The following GABRG3 variants were observed in gnomAD, a reference collection of about 807,000 sequenced individuals.
GABRG3 encodes gamma-aminobutyric acid type A receptor subunit gamma3.
In GABRG3, 25 loss-of-function variants were observed where a neutral mutation model predicts 48.8. The observed-to-expected ratio is 0.51, with a 90% confidence interval of 0.37 to 0.72. The LOEUF (loss-of-function observed/expected upper bound fraction) is 0.72, where lower values mean the gene tolerates loss of function less well. Among genes scored for constraint, GABRG3 ranks in the 30% least tolerant of loss-of-function variants. The pLI is 0.00. For missense variants in GABRG3, 394 were observed against 577.9 expected (o/e 0.68, Z 3.26); for synonymous variants, 227 against 217.6 (o/e 1.04, Z -0.38).
chr15:27,287,592 G>T (rs1891656803), intron 3 of GABRG3, among the ~76,000 whole-genome samples: 1 of 152,062 alleles, frequency 6.6e-6, no homozygotes, highest in Non-Finnish European at 1.5e-5. Context: ...CATTGTGAAT[G>T]AGTCTTAATG....
intron 3 of GABRG3, among the ~76,000 whole-genome samples, chr15:27,153,833 C>A (rs540072989): frequency 6.4e-4 from 97 of 152,062 alleles, no homozygotes; most frequent in Non-Finnish European, 1.2e-3. Context: ...ATTTTAAATT[C>A]TCTGATAATT....
chr15:27,497,791 G>T (rs1398615150), intron 6 of GABRG3, among the ~76,000 whole-genome samples: 1 of 151,988 alleles, frequency 6.6e-6, no homozygotes, highest in Non-Finnish European at 1.5e-5. Flanking sequence ...TCATATTTTT[G>T]TCTTACTTCT....
chr15:27,192,792 C>G (rs1402493797), intron 3 of GABRG3, among the ~76,000 whole-genome samples: 1 of 152,186 alleles, frequency 6.6e-6, no homozygotes, highest in African/African-American at 2.4e-5. Context: ...GAGAGGTGCT[C>G]TGCTTTTTAG....
chr15:26,974,680 C>T lies in GABRG3; in HGVS notation c.54-2322C>T, dbSNP rs765866956. ...AGCTACCGGCCTCTCCTCACTGCCCCAGATGCCCTTGCTGTGGAGTGATTT... is the reference window on the plus strand; with the variant it reads ...AGCTACCGGCCTCTCCTCACTGCCCTAGATGCCCTTGCTGTGGAGTGATTT... On this transcript the variant is annotated intron_variant, in intron 1 of 9. Coordinates refer to ENST00000615808, the MANE Select transcript of GABRG3 (RefSeq NM_033223.5). The surrounding 1 kb of genome is among the most constrained non-coding windows in gnomAD (Gnocchi z 4.3). 2.0e-5 allele frequency among the ~76,000 whole-genome samples: 3 copies of T among 152,028 alleles called. No homozygotes were observed. The highest frequency in any genetic ancestry group is 4.4e-5 in the Non-Finnish European group (3 of 68,002).
chr15:27,384,688 T>A (rs964074728), intron 5 of GABRG3, among the ~76,000 whole-genome samples: 3 of 152,122 alleles, frequency 2.0e-5, no homozygotes, highest in African/African-American at 7.2e-5. Flanking sequence ...TAATGTTAAA[T>A]AGGAAAAAGT....
chr15:27,248,999 A>G (rs997689449), intron 3 of GABRG3, among the ~76,000 whole-genome samples: 13 of 152,120 alleles, frequency 8.5e-5, no homozygotes, highest in Non-Finnish European at 1.8e-4. Context: ...ATGTCAAGCA[A>G]GGGAGACCCA....
intron 7 of GABRG3, among the ~76,000 whole-genome samples, chr15:27,526,805 G>A (rs953570897): frequency 6.6e-5 from 10 of 152,150 alleles, no homozygotes; most frequent in Admixed American, 6.5e-4. Context: ...AAATGTGCTA[G>A]CGTCTGTGCT....
At chr15:27,193,734 C>A (rs572300563) in intron 3 of GABRG3, among the ~76,000 whole-genome samples, 2 of 152,194 alleles carry the variant, frequency 1.3e-5, no homozygotes, top group Admixed American at 1.3e-4. Flanking sequence ...CACTGACCTG[C>A]GCCCACTGTC....
chr15:27,333,679 T>C (rs1893874757), intron 5 of GABRG3, among the ~76,000 whole-genome samples: 1 of 152,174 alleles, frequency 6.6e-6, no homozygotes, highest in Non-Finnish European at 1.5e-5. Flanking sequence ...TGCTGGTTAC[T>C]AGTTTGCCTG....
At chr15:27,341,094 C>T (rs1014460353) in intron 5 of GABRG3, 17 of 361,520 alleles carry the variant, frequency 4.7e-5, no homozygotes, top group South Asian at 3.6e-4. Context: ...GCAACTCTTC[C>T]GAGTATTTAT....
At chr15:27,067,971 A>C (rs1720800668) in intron 3 of GABRG3, among the ~76,000 whole-genome samples, 1 of 152,214 alleles carries the variant, frequency 6.6e-6, no homozygotes. Context: ...GGAGTAGAGA[A>C]GGCTTAGCTA....
chr15:27,283,456 T>C (rs1891504503), intron 3 of GABRG3, among the ~76,000 whole-genome samples: 1 of 152,116 alleles, frequency 6.6e-6, no homozygotes, highest in Admixed American at 6.5e-5. Flanking sequence ...ATACAAAAAT[T>C]AGCCAGGCTT....
At chr15:27,124,514 G>A (rs1386640678) in intron 3 of GABRG3, among the ~76,000 whole-genome samples, 2 of 152,216 alleles carry the variant, frequency 1.3e-5, no homozygotes, top group African/African-American at 4.8e-5. Context: ...TGTGATCCGG[G>A]GAAATGGAGG....
chr15:26,994,357 G>A (rs1288173475), intron 2 of GABRG3, among the ~76,000 whole-genome samples: 5 of 150,806 alleles, frequency 3.3e-5, no homozygotes, highest in East Asian at 2.0e-4. Flanking sequence ...TTGTGTATAC[G>A]TTTTATGTTT....
intron 5 of GABRG3, among the ~76,000 whole-genome samples, chr15:27,416,823 T>G (rs1887954202): frequency 6.6e-6 from 1 of 152,224 alleles, no homozygotes; most frequent in Admixed American, 6.5e-5. Context: ...CTCACTTCTC[T>G]TAGGAATCCA....
At chr15:27,523,580 TAATC>T (rs1319857425) in intron 7 of GABRG3, among the ~76,000 whole-genome samples, 3 of 151,864 alleles carry the variant, frequency 2.0e-5, no homozygotes, top group Admixed American at 6.5e-5. Flanking sequence ...GATTTTAAAA[TAATC>T]AGTCATAAAT....
At chr15:27,300,108 C>G (rs1892144010) in intron 3 of GABRG3, among the ~76,000 whole-genome samples, 1 of 152,144 alleles carries the variant, frequency 6.6e-6, no homozygotes, top group Admixed American at 6.5e-5. Flanking sequence ...CTATTGGAAC[C>G]ACAGAACACC....
At chr15:27,370,048 T>G (rs754856621) in intron 5 of GABRG3, among the ~76,000 whole-genome samples, 1 of 152,112 alleles carries the variant, frequency 6.6e-6, no homozygotes, top group African/African-American at 2.4e-5. Flanking sequence ...CAATTAAATT[T>G]TCAGTTCTTG....
intron 9 of GABRG3, chr15:27,530,473 T>G (rs184256929): frequency 8.0e-6 from 3 of 374,664 alleles, no homozygotes; most frequent in East Asian, 1.5e-4. Flanking sequence ...TTTGCTTCAG[T>G]CTTATAAAAT....
Sources: gnomAD v4.1 joint callset for allele counts (sites outside exome capture counted in the v4.1 genomes callset) on GRCh38, gnomAD v4.1.1 for gene constraint, Gnocchi (gnomAD v3.1) non-coding constraint, MANE v1.5 for transcripts, NCBI Gene and HGNC (gene_info 2026-07-23, HGNC 2026-07-21) for gene names.